The following ROCK2 variants were observed in gnomAD, a reference collection of about 807,000 sequenced individuals.
The protein encoded by ROCK2 is rho-associated protein kinase 2.
ROCK2 carries 61 observed loss-of-function variants against 195.1 expected under a neutral mutation model. The observed-to-expected ratio is 0.31, with a 90% CI of 0.25 to 0.39. The LOEUF is 0.39. Ranked by LOEUF, ROCK2 falls within the 10% of genes least tolerant of loss-of-function variation. The pLI is 1.00. For missense variants in ROCK2, 1,109 were observed against 1,637.4 expected (o/e 0.68, Z 5.57); for synonymous variants, 504 against 545.5 (o/e 0.92, Z 1.06).
At chr2:11,321,657 T>C (rs548845124) in intron 1 of ROCK2, among the ~76,000 whole-genome samples, 13 of 152,032 alleles carry the variant, frequency 8.6e-5, no homozygotes, top group Non-Finnish European at 1.6e-4. Flanking sequence ...AAGGTAGGAA[T>C]TGAAAGCTGT....
intron 3 of ROCK2, among the ~76,000 whole-genome samples, chr2:11,267,448 C>T (rs1312122251): frequency 6.6e-6 from 1 of 151,830 alleles, no homozygotes; most frequent in Non-Finnish European, 1.5e-5. Context: ...ATCTAATCTC[C>T]CACTCTCCCG....
At chr2:11,277,938 T>G (rs886347483) in intron 3 of ROCK2, among the ~76,000 whole-genome samples, 8 of 152,182 alleles carry the variant, frequency 5.3e-5, no homozygotes, top group African/African-American at 1.9e-4. Flanking sequence ...GCATTTGAAG[T>G]TCCTTTCATA....
chr2:11,193,766 A>T lies in ROCK2; in HGVS notation c.3687+13T>A, dbSNP rs1663522321. ...AAAGCCAACCAACCAAATATAAACA[A>T]AACTATGTTTACCTGGAATATCCTT... On this transcript the variant is annotated intron_variant, in intron 30 of 32. Transcript: ENST00000315872. The T allele has an allele frequency of 6.6e-7, 1 of 1,519,604 alleles. No individual in the cohort carries two copies. Among genetic ancestry groups the T allele is most frequent in the South Asian group, 1.2e-5 (1 of 84,074 alleles). The allele number at this position is 1,519,604 out of a possible 1,614,324, so 94.1% of individuals were successfully genotyped here.
chr2:11,248,168 A>C (rs4477886), intron 4 of ROCK2, among the ~76,000 whole-genome samples: 1 of 149,304 alleles, frequency 6.7e-6, no homozygotes, highest in Non-Finnish European at 1.5e-5. Flanking sequence ...ATAAAAAAGC[A>C]ACATTAATGA....
chr2:11,301,569 G>C (rs1667706012), intron 1 of ROCK2, among the ~76,000 whole-genome samples: 1 of 151,872 alleles, frequency 6.6e-6, no homozygotes, highest in Non-Finnish European at 1.5e-5. Context: ...CTGATGTCAG[G>C]GGTTTGAGAC....
intron 8 of ROCK2, 128 bp downstream of exon 8, chr2:11,221,955 T>C: frequency 1.7e-6 from 1 of 580,218 alleles, no homozygotes; most frequent in Non-Finnish European, 3.1e-6. Context: ...AAATTTGAAA[T>C]GAAATTTCTC....
intron 1 of ROCK2, among the ~76,000 whole-genome samples, chr2:11,324,308 G>A (rs933758491): frequency 6.6e-6 from 1 of 152,112 alleles, no homozygotes; most frequent in African/African-American, 2.4e-5. Context: ...GGTGGTGAGT[G>A]CCTGTACTGG....
intron 4 of ROCK2, among the ~76,000 whole-genome samples, chr2:11,237,048 A>T (rs557648180): frequency 2.0e-5 from 3 of 152,344 alleles, no homozygotes; most frequent in African/African-American, 7.2e-5. Context: ...GCAACTTGGG[A>T]GGCTGAGGCA....
In ROCK2 at chr2:11,215,529, T is replaced by G; in HGVS notation, c.1578A>C (p.Lys526Asn). 6.2e-7 allele frequency: 1 copy of G among 1,611,070 alleles called. No individual in the cohort carries two copies. Among genetic ancestry groups the G allele is most frequent in the East Asian group, 2.2e-5 (1 of 44,784 alleles). The change falls in exon 14 of 33, where the codon AAA becomes AAC. Residue 526 changes from lysine to asparagine, a missense_variant. Lys to Asn is a moderately conservative substitution (Grantham distance 94). Coordinates refer to ENST00000315872, the MANE Select transcript of ROCK2 (RefSeq NM_004850.5). Reference protein sequence around the residue: ...QRKADHEADKKRNLENDVNSL... With the variant: ...QRKADHEADKNRNLENDVNSL... ...ACAAACCATCATTTTCCAAATTTCGTTTTTTGTCTGCTTCATGATCAGCTT... is the reference window on the plus strand; with the variant it reads ...ACAAACCATCATTTTCCAAATTTCGGTTTTTGTCTGCTTCATGATCAGCTT...
chr2:11,317,576 T>TTTTATATATA (rs1553317356), intron 1 of ROCK2, among the ~76,000 whole-genome samples: 2 of 29,586 alleles, frequency 6.8e-5, no homozygotes, highest in East Asian at 1.1e-3. Flanking sequence ...ATCTACACAT[T>TTTTATATATA]TATATATATA....
At chr2:11,214,248 G>A in intron 17 of ROCK2, 109 bp downstream of exon 17, 2 of 629,516 alleles carry the variant, frequency 3.2e-6, no homozygotes, top group Admixed American at 2.9e-5. Context: ...AGGAATCCAT[G>A]AGCATGTGGA....
rs1450719331 is a variant in ROCK2, at chr2:11,309,002, C to T, written c.142-21266G>A. 1.4e-5 allele frequency: 23 copies of T among 1,596,228 alleles called. No homozygotes were observed. The South Asian group carries it at 2.4e-4, about 16-fold the overall frequency. Reference sequence around the variant, plus strand: ...TACCACTCAGTAGAAACCATCATAGCTCTGTGTAGCGTATTCACCCTTCAA... The same window carrying T: ...TACCACTCAGTAGAAACCATCATAGTTCTGTGTAGCGTATTCACCCTTCAA... On this transcript the variant is annotated intron_variant, in intron 1 of 32. Transcript: ENST00000315872.
intron 1 of ROCK2, among the ~76,000 whole-genome samples, chr2:11,336,956 T>C (rs563805283): frequency 6.6e-6 from 1 of 152,232 alleles, no homozygotes; most frequent in East Asian, 1.9e-4. Flanking sequence ...AAAAAAGAGA[T>C]ATGGGGCCAG....
chr2:11,267,175 A>G (rs1558342184), intron 3 of ROCK2, among the ~76,000 whole-genome samples: 1 of 152,206 alleles, frequency 6.6e-6, no homozygotes, highest in East Asian at 1.9e-4. Flanking sequence ...TGTTTAAAAT[A>G]TTTACAGCAT....
At position 11,308,265 on chromosome 2, in the gene ROCK2, C is replaced by G. The variant is rs1209567460; in HGVS notation, c.142-20529G>C. The G allele has an allele frequency of 1.4e-5, 17 of 1,179,248 alleles. No individual in the cohort carries two copies. In the East Asian group the frequency reaches 3.5e-4, roughly 24 times the overall value. The allele number at this position is 1,179,248 out of a possible 1,614,324, so 73.0% of individuals were successfully genotyped here. A position where few individuals can be genotyped will look rare whatever the true frequency, so the allele number is the denominator to read the frequency against. Reference sequence around the variant, plus strand: ...AGTACAGCTTTACAGTCCACACAGTCTCAAGAAGAATTTAAATTGGAGAAC... The same window carrying G: ...AGTACAGCTTTACAGTCCACACAGTGTCAAGAAGAATTTAAATTGGAGAAC... On this transcript the variant is annotated intron_variant, in intron 1 of 32. Transcript: ENST00000315872.
At chr2:11,213,906 A>G (rs1479433766) in intron 17 of ROCK2, among the ~76,000 whole-genome samples, 1 of 152,236 alleles carries the variant, frequency 6.6e-6, no homozygotes, top group African/African-American at 2.4e-5. Context: ...TCTACCACAT[A>G]TAACACACTG....
chr2:11,329,766 G>C (rs1354677441), intron 1 of ROCK2, among the ~76,000 whole-genome samples: 1 of 151,262 alleles, frequency 6.6e-6, no homozygotes, highest in African/African-American at 2.4e-5. Context: ...CTTTAGGTGC[G>C]TTTTCTCGTT....
At chr2:11,216,310 T>C (rs1664425632) in intron 12 of ROCK2, 104 bp from the exon 13 acceptor site, 1 of 867,834 alleles carries the variant, frequency 1.2e-6, no homozygotes. Flanking sequence ...CTCTCCTTTA[T>C]TTTTCTGAGA....
At chr2:11,195,180 G>A in intron 27 of ROCK2, 155 bp from the exon 28 acceptor site, 3 of 402,556 alleles carry the variant, frequency 7.5e-6, no homozygotes, top group Non-Finnish European at 1.3e-5. Flanking sequence ...AATAGTACAG[G>A]ATCAGTAGTA....
Sources: gnomAD v4.1 joint callset for allele counts (sites outside exome capture counted in the v4.1 genomes callset) on GRCh38, gnomAD v4.1.1 for gene constraint, MANE v1.5 for transcripts, NCBI Gene and HGNC (gene_info 2026-07-23, HGNC 2026-07-21) for gene names.